The following LDLRAD4 variants were observed in gnomAD, a reference collection of about 807,000 sequenced individuals.
LDLRAD4 encodes the protein low density lipoprotein receptor class A domain containing 4, also known as low-density lipoprotein receptor class A domain-containing protein 4.
A neutral mutation model predicts 17.0 loss-of-function variants in LDLRAD4; 5 were observed. The ratio of observed to expected loss-of-function variants is 0.29; its 90% CI spans 0.15 to 0.62. The LOEUF (loss-of-function observed/expected upper bound fraction) is 0.62, where lower values mean the gene tolerates loss of function less well. Among genes scored for constraint, LDLRAD4 ranks in the 20% least tolerant of loss-of-function variants. LDLRAD4 has a pLI of 0.84. For synonymous variants in LDLRAD4, 168 were observed against 171.8 expected (o/e 0.98, Z 0.17); for missense variants, 340 against 424.7 (o/e 0.80, Z 1.75).
At chr18:13,627,319 A>G (rs1011414617) in intron 4 of LDLRAD4, among the ~76,000 whole-genome samples, 1 of 152,232 alleles carries the variant, frequency 6.6e-6, no homozygotes, top group African/African-American at 2.4e-5. Flanking sequence ...TGGAGTTTCC[A>G]TCTTCTCTTG....
intron 1 of LDLRAD4, among the ~76,000 whole-genome samples, chr18:13,264,685 C>A (rs570017534): frequency 6.6e-6 from 1 of 152,352 alleles, no homozygotes; most frequent in South Asian, 2.1e-4. Context: ...GTTCTTTGGA[C>A]TGTGTGAGGT....
chr18:13,492,394 C>T (rs1333005684), intron 3 of LDLRAD4, among the ~76,000 whole-genome samples: 4 of 152,228 alleles, frequency 2.6e-5, no homozygotes, highest in Admixed American at 2.6e-4. Flanking sequence ...TGCTGTAATC[C>T]GGTGGAGTGG....
At position 13,642,527 on chromosome 18, in the gene LDLRAD4, C is replaced by G. The variant is rs1601884024; in HGVS notation, c.337-832C>G. The stretch of plus-strand genomic sequence containing the variant: ...TAACTCACCAGATGTGAAGTTGCAT[C>G]TGCCCTGTGAATAGGTGGACTGGAG... On this transcript the variant is annotated intron_variant, in intron 4 of 5. Transcript: ENST00000359446. The G allele has an allele frequency of 3.3e-6, 4 of 1,227,610 alleles. No homozygotes were observed. The East Asian group carries it at 1.3e-4, about 39-fold the overall frequency. The allele number at this position is 1,227,610 out of a possible 1,614,324, so 76.0% of individuals were successfully genotyped here.
At chr18:13,361,157 A>G (rs1273128351) in intron 1 of LDLRAD4, among the ~76,000 whole-genome samples, 1 of 152,050 alleles carries the variant, frequency 6.6e-6, no homozygotes, top group African/African-American at 2.4e-5. Context: ...ACACTTCTAC[A>G]AGCTCCGCCT....
At chr18:13,530,404 T>A (rs992490307) in intron 3 of LDLRAD4, among the ~76,000 whole-genome samples, 3 of 152,226 alleles carry the variant, frequency 2.0e-5, no homozygotes, top group African/African-American at 7.2e-5. Context: ...GGGTCATCAG[T>A]CTGTTTCTGG....
chr18:13,616,079 A>G (rs989332474), intron 3 of LDLRAD4: 1 of 150,542 alleles, frequency 6.6e-6, no homozygotes, highest in African/African-American at 2.5e-5. Context: ...TTTCCAGCCC[A>G]CTCCTCCCCA....
chr18:13,501,889 T>G (rs183415211), intron 3 of LDLRAD4, among the ~76,000 whole-genome samples: 7 of 152,346 alleles, frequency 4.6e-5, no homozygotes, highest in Admixed American at 2.0e-4. Context: ...CATTTGGAAT[T>G]GTACTAGAAA....
chr18:13,409,079 A>G (rs1276578996), intron 2 of LDLRAD4, among the ~76,000 whole-genome samples: 1 of 152,116 alleles, frequency 6.6e-6, no homozygotes, highest in African/African-American at 2.4e-5. Context: ...CTGACCCCCA[A>G]ATAGGCCTGC....
chr18:13,532,216 T>C (rs2094139421), intron 3 of LDLRAD4, among the ~76,000 whole-genome samples: 1 of 152,158 alleles, frequency 6.6e-6, no homozygotes, highest in African/African-American at 2.4e-5. Context: ...GCTCCTGCAA[T>C]TGCCTTCAGA....
At chr18:13,303,558 C>G (rs998435126) in intron 1 of LDLRAD4, among the ~76,000 whole-genome samples, 2 of 152,132 alleles carry the variant, frequency 1.3e-5, no homozygotes, top group Admixed American at 1.3e-4. Context: ...TCTCAAACTC[C>G]TGGGCTCAAG....
intron 4 of LDLRAD4, chr18:13,642,448 T>G: frequency 8.4e-7 from 1 of 1,183,564 alleles, no homozygotes; most frequent in Non-Finnish European, 1.0e-6. Context: ...TACTGAGGCC[T>G]GTGGCTGGCC....
intron 3 of LDLRAD4, among the ~76,000 whole-genome samples, chr18:13,439,131 T>C (rs149121922): frequency 6.6e-6 from 1 of 152,258 alleles, no homozygotes; most frequent in East Asian, 1.9e-4. Context: ...TCACACGGCC[T>C]TCTTACTGAG....
At chr18:13,573,415 T>C (rs1254193782) in intron 3 of LDLRAD4, among the ~76,000 whole-genome samples, 1 of 151,032 alleles carries the variant, frequency 6.6e-6, no homozygotes, top group African/African-American at 2.5e-5. Flanking sequence ...AATTTTTGTA[T>C]TTTTAGTAGA....
chr18:13,629,810 CTT>C (rs1471560375), intron 4 of LDLRAD4, among the ~76,000 whole-genome samples: 1 of 151,772 alleles, frequency 6.6e-6, no homozygotes, highest in African/African-American at 2.4e-5. Flanking sequence ...TAAAAATTAT[CTT>C]AATGATCATA....
intron 4 of LDLRAD4, among the ~76,000 whole-genome samples, chr18:13,637,103 T>C (rs1360006993): frequency 6.6e-6 from 1 of 151,992 alleles, no homozygotes; most frequent in Non-Finnish European, 1.5e-5. Context: ...TGGCCTAAAG[T>C]TTTTTTTGTT....
At chr18:13,265,205 T>C (rs145941804) in intron 1 of LDLRAD4, among the ~76,000 whole-genome samples, 307 of 152,304 alleles carry the variant, frequency 2.0e-3, no homozygotes, top group African/African-American at 7.0e-3. Flanking sequence ...CTCCAGCCTC[T>C]GCCGTCTCTC....
In LDLRAD4 at chr18:13,617,852, G is replaced by C. The variant is rs767066202; in HGVS notation, c.182-3265G>C. Among the ~76,000 whole-genome samples, 4 of 152,270 alleles carry C rather than the reference G, an allele frequency of 2.6e-5. No homozygotes were observed. In the South Asian group the frequency reaches 8.3e-4, roughly 32 times the overall value. ...AGGGCGAGTCTCCAGGGTGAATGAGGGCATGGGGAACATGCCTTCTTCCTG... is the reference window on the plus strand; with the variant it reads ...AGGGCGAGTCTCCAGGGTGAATGAGCGCATGGGGAACATGCCTTCTTCCTG... On this transcript the variant is annotated intron_variant, in intron 3 of 5. Transcript: ENST00000359446.
chr18:13,416,673 A>G (rs1460126245), intron 2 of LDLRAD4, among the ~76,000 whole-genome samples: 1 of 152,224 alleles, frequency 6.6e-6, no homozygotes, highest in Non-Finnish European at 1.5e-5. Context: ...TCATTTATTT[A>G]TTCAACAAAA....
intron 3 of LDLRAD4, among the ~76,000 whole-genome samples, chr18:13,442,600 C>CT (rs1429903076): frequency 6.6e-6 from 1 of 152,232 alleles, no homozygotes; most frequent in Non-Finnish European, 1.5e-5. Context: ...GGACGGGCCA[C>CT]CTGCTGGCCG....
Sources: allele counts gnomAD v4.1 joint callset (sites outside exome capture counted in the v4.1 genomes callset), GRCh38; gene constraint gnomAD v4.1.1; transcripts MANE v1.5; gene names NCBI Gene and HGNC (gene_info 2026-07-23, HGNC 2026-07-21).